Variants in PKLR observed in about 807,000 individuals in gnomAD.
PKLR encodes the protein pyruvate kinase PKLR.
In PKLR, 38 loss-of-function variants were observed where a neutral mutation model predicts 53.6. The ratio of observed to expected loss-of-function variants is 0.71; its 90% CI spans 0.55 to 0.93. The LOEUF (loss-of-function observed/expected upper bound fraction) is 0.93. Ranked by LOEUF, PKLR falls within the 40% of genes least tolerant of loss-of-function variation. The probability of loss-of-function intolerance (pLI) is 0.00; values close to 1 mark genes in which losing one functional copy is unlikely to be tolerated. For synonymous variants in PKLR, 328 were observed against 316.2 expected (o/e 1.04, Z -0.39); for missense variants, 702 against 787.3 (o/e 0.89, Z 1.30).
upstream of PKLR, among the ~76,000 whole-genome samples, chr1:155,304,073 G>A (rs1215283333): frequency 6.6e-6 from 1 of 152,126 alleles, no homozygotes; most frequent in African/African-American, 2.4e-5. Context: ...CTTGTAATGT[G>A]GTGGGTTTAC....
At chr1:155,303,159 T>C (rs936210929), upstream of PKLR, among the ~76,000 whole-genome samples, 4 of 152,254 alleles carry the variant, frequency 2.6e-5, no homozygotes, top group Non-Finnish European at 5.9e-5. Context: ...GTTCCCCTAA[T>C]GTATGCTTTG....
At position 155,295,082 on chromosome 1, in the gene PKLR, A is replaced by C. The variant is rs376819302; in HGVS notation, c.694+34T>G. 19 of 1,608,908 alleles carry C rather than the reference A, an allele frequency of 1.2e-5. No homozygotes were observed. The highest frequency in any genetic ancestry group is 1.5e-5 in the Non-Finnish European group (18 of 1,176,400). On this transcript the variant is annotated intron_variant, in intron 5 of 10. Transcript: ENST00000342741. This position sits in a 1 kb window ranked among gnomAD's most constrained non-coding sequence, Gnocchi z 4.3. The stretch of plus-strand genomic sequence containing the variant: ...AAGGAGAAGGGAATGTGCCCAGCGC[A>C]CGGATGTGGTCAGGGCGGGAGGCGC...
intron 6 of PKLR, 28 bp from the exon 7 acceptor site, chr1:155,294,413 G>A: frequency 6.2e-7 from 1 of 1,614,226 alleles, no homozygotes; most frequent in Middle Eastern, 1.6e-4. Flanking sequence ...TCAAGGCAGA[G>A]GCAGGCAGGA....
In PKLR at chr1:155,293,240, C is replaced by T. The variant is rs755522396; in HGVS notation, c.1373G>A (p.Gly458Asp). ...SRDPTEVTAI[G>D]AVEAAFKCCA... ...GCACTTGAAGGCAGCCTCCACAGCA[C>T]CAATGGCGGTGACCTCAGTGGGATC... The change falls in exon 9 of 11, where the codon GGT (glycine) becomes GAT (aspartate). Residue 458 changes from glycine to aspartate, a missense_variant. Around this residue, in one of 2 missense-constraint regions of PKLR, gnomAD observed 183 missense variants for 250.2 expected, o/e 0.73. Transcript: ENST00000342741. The surrounding 1 kb of genome is among the most constrained non-coding windows in gnomAD (Gnocchi z 4.2). 1.2e-5 allele frequency: 19 copies of T among 1,614,206 alleles called. No homozygotes were observed. The highest frequency in any genetic ancestry group is 1.6e-5 in the Non-Finnish European group (19 of 1,180,048).
chr1:155,305,453 T>G (rs147425654), upstream of PKLR, among the ~76,000 whole-genome samples: 677 of 152,254 alleles, frequency 4.4e-3, 3 homozygotes, highest in South Asian at 1.0e-2. Flanking sequence ...AGAGAGATAG[T>G]AGAGAGGACT....
Position 155,289,606 on chromosome 1 carries a change from A to G in PKLR, c.*966T>C, listed in dbSNP as rs1380838774. On this transcript the variant is annotated 3_prime_UTR_variant, in exon 11 of 11. Coordinates refer to ENST00000342741, the MANE Select transcript of PKLR (RefSeq NM_000298.6). ...GGTGCAGGAATAAGGGAAAGGCCCA[A>G]GGTATCCAAGCCTGGGGAAGGGCAG... 6.6e-6 allele frequency: 1 copy of G among 152,504 alleles called. No homozygotes were observed. The highest frequency in any genetic ancestry group is 1.5e-5 in the Non-Finnish European group (1 of 68,170). 9.4% of individuals were successfully genotyped at this position (152,504 alleles called of 1,614,324 possible). A position where few individuals can be genotyped will look rare whatever the true frequency, so the allele number is the denominator to read the frequency against.
rs188262404 is a variant in PKLR, at chr1:155,295,845, A to G, written c.284-89T>C. 342 of 1,090,792 alleles carry G rather than the reference A, an allele frequency of 3.1e-4. No homozygotes were observed. The highest frequency in any genetic ancestry group is 2.2e-4 in the Non-Finnish European group (156 of 711,190). 67.6% of individuals were successfully genotyped at this position (1,090,792 alleles called of 1,614,324 possible). The stretch of plus-strand genomic sequence containing the variant: ...CCCATTACCATTCTCAGAACGCCTC[A>G]CGCCACAGGCGTCCTGTTACCTGAT... On this transcript the variant is annotated intron_variant, in intron 2 of 10. Coordinates refer to ENST00000342741, the MANE Select transcript of PKLR (RefSeq NM_000298.6). The surrounding 1 kb of genome is among the most constrained non-coding windows in gnomAD (Gnocchi z 4.3).
Position 155,293,727 on chromosome 1 carries a change from G to C in PKLR, c.1117-137C>G. On this transcript the variant is annotated intron_variant, in intron 7 of 10. Coordinates refer to ENST00000342741, the MANE Select transcript of PKLR (RefSeq NM_000298.6). The surrounding 1 kb of genome is among the most constrained non-coding windows in gnomAD (Gnocchi z 4.2). ...ACAGTCACAACCCCTGAAAATAGGAGTCAAAGTATATTTAACTTTGTCGTT... is the reference window on the plus strand; with the variant it reads ...ACAGTCACAACCCCTGAAAATAGGACTCAAAGTATATTTAACTTTGTCGTT... 1.2e-6 allele frequency: 1 copy of C among 823,762 alleles called. No individual in the cohort carries two copies. The highest frequency in any genetic ancestry group is 2.0e-6 in the Non-Finnish European group (1 of 495,766). 51.0% of individuals were successfully genotyped at this position (823,762 alleles called of 1,614,324 possible).
intron 10 of PKLR, 112 bp from the exon 11 acceptor site, chr1:155,290,790 A>C: frequency 2.8e-6 from 2 of 714,082 alleles, no homozygotes. Flanking sequence ...GGAGTTTGAG[A>C]CCAGCCTGGC....
At position 155,293,172 on chromosome 1, in the gene PKLR, C is replaced by G. The variant is rs1647318174; in HGVS notation, c.1436+5G>C. On this transcript the variant is annotated splice_donor_5th_base_variant and intron_variant, in intron 9 of 10. Coordinates refer to ENST00000342741, the MANE Select transcript of PKLR (RefSeq NM_000298.6). The surrounding 1 kb of genome is among the most constrained non-coding windows in gnomAD (Gnocchi z 4.2). ...CCATCTGGACATTCCCAATATCCCC[C>G]TCACCGGCCAGTTGTGGTCAGCACA... is the stretch of plus-strand genomic sequence containing the variant. 1.2e-6 allele frequency: 2 copies of G among 1,614,168 alleles called. No homozygotes were observed. The highest frequency in any genetic ancestry group is 1.7e-6 in the Non-Finnish European group (2 of 1,179,990).
intron 1 of PKLR, chr1:155,300,867 G>A (rs1273431833): frequency 3.1e-6 from 5 of 1,610,706 alleles, no homozygotes; most frequent in East Asian, 2.2e-5. Context: ...AGGAGCCCCC[G>A]ATTCCAGCCG....
intron 10 of PKLR, among the ~76,000 whole-genome samples, chr1:155,291,084 AG>A (rs1175345554): frequency 1.3e-5 from 2 of 151,912 alleles, no homozygotes; most frequent in African/African-American, 4.8e-5. Flanking sequence ...GGACCAGGCC[AG>A]CCCTGTAACG....
chr1:155,301,087 G>A (rs1647970603), intron 1 of PKLR: 2 of 1,487,346 alleles, frequency 1.3e-6, no homozygotes, highest in Admixed American at 4.0e-5. Context: ...TGGCTTACAT[G>A]CTGTGGCTCT....
intron 10 of PKLR, 125 bp downstream of exon 10, chr1:155,291,631 A>G (rs1342878827): frequency 2.5e-6 from 2 of 811,254 alleles, no homozygotes; most frequent in African/African-American, 3.4e-5. Context: ...AGTCTTAGTG[A>G]CTCTCACAGG....
rs1399195622 is a variant in PKLR, at chr1:155,294,482, C to A, written c.965G>T (p.Arg322Met). 5 of 1,614,248 alleles carry A rather than the reference C, an allele frequency of 3.1e-6. No homozygotes were observed. Among genetic ancestry groups the A allele is most frequent in the South Asian group, 2.2e-5 (2 of 91,086 alleles). ...AAGGGGAACAGAGCCCAAGCCTCAC[C>A]TCTTCACGCCTTCGTGGTTCTCAAT... ...SKIENHEGVK[R>M]FDEILEVSDG... The change falls in exon 6 of 11, where the codon AGG becomes ATG. Residue 322 changes from arginine (R) to methionine (M), a missense_variant and splice_region_variant. Around this residue, in one of 2 missense-constraint regions of PKLR, gnomAD observed 519 missense variants for 537.1 expected, o/e 0.97. Coordinates refer to ENST00000342741, the MANE Select transcript of PKLR (RefSeq NM_000298.6).
intron 1 of PKLR, chr1:155,301,064 C>CG: frequency 6.5e-7 from 1 of 1,529,488 alleles, no homozygotes; most frequent in Non-Finnish European, 8.8e-7. Context: ...CCAGGAACCA[C>CG]GGGAGTGCCC....
intron 2 of PKLR, among the ~76,000 whole-genome samples, chr1:155,297,999 A>G (rs1557962138): frequency 6.6e-6 from 1 of 151,576 alleles, no homozygotes; most frequent in Non-Finnish European, 1.5e-5. Flanking sequence ...CCCTTATCAC[A>G]CTTGATTTCT....
rs756966783 is a variant in PKLR at position 155,300,835 on chromosome 1, A to C, written c.100+461T>G. Reference sequence around the variant, plus strand: ...CTGCTACAGACACAGAGGTCCCTGTAGCTTGACCCATCCCAGTTCAGAGGA... The same window carrying C: ...CTGCTACAGACACAGAGGTCCCTGTCGCTTGACCCATCCCAGTTCAGAGGA... On this transcript the variant is annotated intron_variant, in intron 1 of 10. Transcript: ENST00000342741. 2.5e-6 allele frequency: 4 copies of C among 1,605,914 alleles called. No individual in the cohort carries two copies. The South Asian group carries it at 4.5e-5, about 18-fold the overall frequency.
upstream of PKLR, among the ~76,000 whole-genome samples, chr1:155,302,932 C>T (rs181797842): frequency 1.1e-4 from 16 of 152,238 alleles, no homozygotes; most frequent in Admixed American, 5.2e-4. Context: ...CACTCTGTTG[C>T]CCAGGTTGGT....
Sources: allele counts gnomAD v4.1 joint callset (sites outside exome capture counted in the v4.1 genomes callset), GRCh38; gene constraint gnomAD v4.1.1; regional missense constraint gnomAD v4.1.1; non-coding constraint Gnocchi (gnomAD v3.1); transcripts MANE v1.5; gene names NCBI Gene and HGNC (gene_info 2026-07-23, HGNC 2026-07-21).